PCCA: variants seen among roughly 807,000 people sequenced by gnomAD.
PCCA encodes propionyl-CoA carboxylase alpha chain, mitochondrial.
A neutral mutation model predicts 101.3 loss-of-function variants in PCCA; 74 were observed. The ratio of observed to expected loss-of-function variants is 0.73; its 90% CI spans 0.61 to 0.89. The LOEUF (loss-of-function observed/expected upper bound fraction) is 0.89. PCCA is among the 40% of genes least tolerant of loss of function. PCCA has a pLI of 0.00. For missense variants in PCCA, 891 were observed against 907.0 expected (o/e 0.98, Z 0.23); for synonymous variants, 294 against 313.6 (o/e 0.94, Z 0.66).
intron 21 of PCCA, among the ~76,000 whole-genome samples, chr13:100,459,760 G>C (rs564504587): frequency 1.3e-5 from 2 of 152,116 alleles, no homozygotes; most frequent in African/African-American, 4.8e-5. Flanking sequence ...CCATTGACCG[G>C]GTGGCTTAAA....
chr13:100,344,061 C>T (rs78450393), intron 18 of PCCA, among the ~76,000 whole-genome samples: 3 of 152,120 alleles, frequency 2.0e-5, no homozygotes, highest in Admixed American at 6.5e-5. Flanking sequence ...GGTAACAGAG[C>T]GAGACCCTGT....
intron 20 of PCCA, among the ~76,000 whole-genome samples, chr13:100,439,802 G>T (rs2080208588): frequency 6.6e-6 from 1 of 152,032 alleles, no homozygotes; most frequent in Non-Finnish European, 1.5e-5. Context: ...TCAGGCCTGA[G>T]GAGTAGCTAA....
chr13:100,197,709 T>C (rs1004493757), intron 6 of PCCA, among the ~76,000 whole-genome samples: 2 of 152,284 alleles, frequency 1.3e-5, no homozygotes, highest in Admixed American at 6.5e-5. Context: ...CATGAGCCAC[T>C]GTGCCCAGCC....
chr13:100,430,446 G>A (rs2079467665), intron 20 of PCCA, among the ~76,000 whole-genome samples: 1 of 152,072 alleles, frequency 6.6e-6, no homozygotes, highest in African/African-American at 2.4e-5. Context: ...GCAGTATCTT[G>A]TTGAGCTGCT....
At chr13:100,110,046 T>C (rs983841977) in intron 2 of PCCA, among the ~76,000 whole-genome samples, 1 of 152,080 alleles carries the variant, frequency 6.6e-6, no homozygotes, top group Non-Finnish European at 1.5e-5. Flanking sequence ...GGCAGGAGAA[T>C]ATGTTGAACC....
intron 14 of PCCA, 76 bp downstream of exon 14, chr13:100,303,074 C>A: frequency 1.2e-6 from 1 of 863,444 alleles, no homozygotes; most frequent in South Asian, 1.3e-5. Context: ...TAAAGCATGT[C>A]AACACCAAAG....
chr13:100,464,451 G>A (rs1596016350), intron 21 of PCCA: 1 of 152,032 alleles, frequency 6.6e-6, no homozygotes, highest in African/African-American at 2.4e-5. Flanking sequence ...AGAATAGCTC[G>A]GTTTTTATTG....
At position 100,324,006 on chromosome 13, in the gene PCCA, G is replaced by C. The variant is rs150064608; in HGVS notation, c.1430-6555G>C. 4.3e-3 allele frequency among the ~76,000 whole-genome samples: 660 copies of C among 152,266 alleles called. 2 individuals are homozygous for C. Among genetic ancestry groups the C allele is most frequent in the Non-Finnish European group, 8.2e-3 (557 of 68,028 alleles). On this transcript the variant is annotated intron_variant, in intron 16 of 23. Coordinates refer to ENST00000376285, the MANE Select transcript of PCCA (RefSeq NM_000282.4). ...CTGTGAGACTTGAATAGTAAAATCA[G>C]AATCATACTTCGTAGGTTTCTTATG...
intron 19 of PCCA, among the ~76,000 whole-genome samples, chr13:100,422,135 CTTTTTTTTTTTT>C (rs1232975466): frequency 1.5e-5 from 1 of 68,782 alleles, no homozygotes; most frequent in African/African-American, 6.3e-5. Flanking sequence ...TTCTTTCTTT[CTTTTTTTTTTTT>C]TTTTTGACAG....
At position 100,422,747 on chromosome 13, in the gene PCCA, T is replaced by G. The variant is rs2078910265; in HGVS notation, c.1747-2886T>G. 1.3e-5 allele frequency among the ~76,000 whole-genome samples: 2 copies of G among 152,158 alleles called. 1 individual carries two copies. Among genetic ancestry groups the G allele is most frequent in the South Asian group, 4.1e-4 (2 of 4,832 alleles). On this transcript the variant is annotated intron_variant, in intron 19 of 23. Coordinates refer to ENST00000376285, the MANE Select transcript of PCCA (RefSeq NM_000282.4). ...TGGTTGCTTCTTAATGTGGCTTTTA[T>G]CTCAATAATGTTATTTTTCTCTCCA...
At chr13:100,471,167 T>C (rs939782905) in intron 21 of PCCA, among the ~76,000 whole-genome samples, 5 of 152,154 alleles carry the variant, frequency 3.3e-5, no homozygotes, top group Non-Finnish European at 1.5e-5. Context: ...TGTTGTGTCT[T>C]GGGGAATAGG....
At chr13:100,305,834 C>T (rs751173649) in intron 14 of PCCA, 8 of 447,312 alleles carry the variant, frequency 1.8e-5, no homozygotes, top group Middle Eastern at 6.7e-4. Flanking sequence ...AAGTATATTT[C>T]GTAAGTGTGC....
chr13:100,321,626 TG>T (rs1461178493), intron 16 of PCCA, among the ~76,000 whole-genome samples: 2 of 145,132 alleles, frequency 1.4e-5, no homozygotes, highest in African/African-American at 5.2e-5. Flanking sequence ...TGTGTGTGTG[TG>T]TGTGTGTGTA....
At chr13:100,373,147 A>G (rs543513424) in intron 19 of PCCA, among the ~76,000 whole-genome samples, 4 of 152,344 alleles carry the variant, frequency 2.6e-5, no homozygotes, top group African/African-American at 9.6e-5. Flanking sequence ...CACCTCTCCA[A>G]AGAAGATATA....
chr13:100,110,286 C>T (rs535119481), intron 2 of PCCA, among the ~76,000 whole-genome samples: 5 of 152,256 alleles, frequency 3.3e-5, no homozygotes, highest in African/African-American at 1.2e-4. Flanking sequence ...ACAGAAATTA[C>T]CGTGTGCTAA....
At chr13:100,519,003 G>A (rs923886616) in intron 22 of PCCA, among the ~76,000 whole-genome samples, 10 of 152,120 alleles carry the variant, frequency 6.6e-5, no homozygotes, top group Non-Finnish European at 1.5e-4. Flanking sequence ...TTTTCACTTT[G>A]ACTTTGAAGT....
At chr13:100,169,661 G>A (rs1480676051) in intron 6 of PCCA, among the ~76,000 whole-genome samples, 1 of 151,470 alleles carries the variant, frequency 6.6e-6, no homozygotes, top group Non-Finnish European at 1.5e-5. Flanking sequence ...CTGAGTAGCT[G>A]GAACTACAGG....
intron 7 of PCCA, among the ~76,000 whole-genome samples, chr13:100,220,894 G>A (rs1001382911): frequency 3.3e-5 from 5 of 152,154 alleles, no homozygotes; most frequent in Non-Finnish European, 5.9e-5. Context: ...CTAATGGTTG[G>A]CCATCTCTAA....
intron 22 of PCCA, among the ~76,000 whole-genome samples, chr13:100,520,690 A>G (rs1423300993): frequency 6.6e-6 from 1 of 151,054 alleles, no homozygotes; most frequent in Non-Finnish European, 1.5e-5. Flanking sequence ...ACAAATATCT[A>G]TTAGTAGATA....
Sources: allele counts gnomAD v4.1 joint callset (sites outside exome capture counted in the v4.1 genomes callset), GRCh38; gene constraint gnomAD v4.1.1; transcripts MANE v1.5; gene names NCBI Gene and HGNC (gene_info 2026-07-23, HGNC 2026-07-21).